PSMB2: variants seen among roughly 807,000 people sequenced by gnomAD.
PSMB2 encodes the protein proteasome subunit beta type-2.
PSMB2 carries 13 observed loss-of-function variants against 25.7 expected under a neutral mutation model. That is an observed-to-expected ratio of 0.51 (90% CI 0.33 to 0.80). The LOEUF is 0.80. Ranked by LOEUF, PSMB2 falls within the 30% of genes least tolerant of loss-of-function variation. The pLI is 0.02. For synonymous variants in PSMB2, 87 were observed against 96.2 expected (o/e 0.90, Z 0.56); for missense variants, 202 against 259.0 (o/e 0.78, Z 1.51).
At chr1:35,606,596 TTA>T (rs1650176941) in intron 4 of PSMB2, among the ~76,000 whole-genome samples, 1 of 152,100 alleles carries the variant, frequency 6.6e-6, no homozygotes, top group Non-Finnish European at 1.5e-5. Context: ...ATCAGAAGAA[TTA>T]ATATTATGAA....
At chr1:35,635,828 CAAA>C (rs1163061850) in intron 2 of PSMB2, among the ~76,000 whole-genome samples, 1 of 34,250 alleles carries the variant, frequency 2.9e-5, no homozygotes, top group South Asian at 9.4e-4. Flanking sequence ...GACTCCGTCT[CAAA>C]AAAAAAAAAA....
In PSMB2 at chr1:35,600,944, C is replaced by T; in HGVS notation, c.*2323G>A. 4 of 984,656 alleles carry T rather than the reference C, an allele frequency of 4.1e-6. No individual in the cohort carries two copies. The highest frequency in any genetic ancestry group is 4.8e-6 in the Non-Finnish European group (4 of 829,564). The allele number at this position is 984,656 out of a possible 1,614,324, so 61.0% of individuals were successfully genotyped here. On this transcript the variant is annotated 3_prime_UTR_variant, in exon 6 of 6. Coordinates refer to ENST00000373237, the MANE Select transcript of PSMB2 (RefSeq NM_002794.5). The stretch of plus-strand genomic sequence containing the variant: ...CTTCATGGAATTCTCATATCTACCA[C>T]ATAGAATAGGTGCTATTTCAGTCAT...
intron 3 of PSMB2, among the ~76,000 whole-genome samples, chr1:35,620,794 A>C (rs1055628427): frequency 5.3e-5 from 8 of 151,016 alleles, no homozygotes; most frequent in Admixed American, 2.6e-4. Context: ...CCTCCCGAGT[A>C]CCTAGGACTA....
chr1:35,639,104 A>C (rs529098211), intron 1 of PSMB2, among the ~76,000 whole-genome samples: 1 of 152,058 alleles, frequency 6.6e-6, no homozygotes, highest in African/African-American at 2.4e-5. Flanking sequence ...AAATACAAAA[A>C]TTAGCTGGGC....
chr1:35,600,259 C>T lies in PSMB2; in HGVS notation c.*3008G>A. The T allele has an allele frequency of 1.0e-6, 1 of 984,886 alleles. No homozygotes were observed. The highest frequency in any genetic ancestry group is 1.2e-6 in the Non-Finnish European group (1 of 829,480). 61.0% of individuals were successfully genotyped at this position (984,886 alleles called of 1,614,324 possible). On this transcript the variant is annotated 3_prime_UTR_variant, in exon 6 of 6. Coordinates refer to ENST00000373237, the MANE Select transcript of PSMB2 (RefSeq NM_002794.5). ...AGAATGGCATAAAAATGATGCCCAG[C>T]TAAATGCAATGTTGTATCTTGGATT...
intron 1 of PSMB2, among the ~76,000 whole-genome samples, chr1:35,640,156 G>A (rs1391817219): frequency 6.6e-6 from 1 of 151,758 alleles, no homozygotes; most frequent in Non-Finnish European, 1.5e-5. Context: ...TTGTTTTTCT[G>A]CAGAATCTAA....
chr1:35,601,920 G>T lies in PSMB2; in HGVS notation c.*1347C>A. On this transcript the variant is annotated 3_prime_UTR_variant, in exon 6 of 6. Transcript: ENST00000373237. ...AACGAGTAACTGGTTAACTGCCCAT[G>T]ATACATCAATTTAATGGAAAATTAT... is the stretch of plus-strand genomic sequence containing the variant. 1 of 984,624 alleles carries T rather than the reference G, an allele frequency of 1.0e-6. No homozygotes were observed. The highest frequency in any genetic ancestry group is 1.2e-6 in the Non-Finnish European group (1 of 829,196). 61.0% of individuals were successfully genotyped at this position (984,624 alleles called of 1,614,324 possible).
chr1:35,626,832 C>G (rs1482026579), intron 3 of PSMB2, among the ~76,000 whole-genome samples: 1 of 152,068 alleles, frequency 6.6e-6, no homozygotes, highest in African/African-American at 2.4e-5. Flanking sequence ...TGTTCCAGAT[C>G]TGTGATGTCT....
intron 5 of PSMB2, among the ~76,000 whole-genome samples, chr1:35,604,231 C>A (rs896116888): frequency 2.0e-5 from 3 of 152,010 alleles, no homozygotes; most frequent in Non-Finnish European, 4.4e-5. Context: ...TTTTGACCTC[C>A]CCATTCCCCC....
intron 3 of PSMB2, among the ~76,000 whole-genome samples, chr1:35,610,233 G>C (rs1239571298): frequency 6.6e-6 from 1 of 152,158 alleles, no homozygotes; most frequent in Admixed American, 6.5e-5. Flanking sequence ...GAGCCCAGGA[G>C]TTTCAGACCA....
At chr1:35,604,296 G>A (rs750774033) in intron 5 of PSMB2, among the ~76,000 whole-genome samples, 2 of 152,172 alleles carry the variant, frequency 1.3e-5, no homozygotes, top group African/African-American at 4.8e-5. Context: ...TAGAAAGGGT[G>A]TGTTCTGTAA....
At chr1:35,632,585 T>A (rs1436777940) in intron 2 of PSMB2, among the ~76,000 whole-genome samples, 3 of 152,202 alleles carry the variant, frequency 2.0e-5, no homozygotes, top group Non-Finnish European at 4.4e-5. Context: ...TATTAGTGCA[T>A]ATTAAATCAT....
intron 3 of PSMB2, among the ~76,000 whole-genome samples, chr1:35,630,423 C>T (rs1052664904): frequency 1.3e-5 from 2 of 152,160 alleles, no homozygotes; most frequent in African/African-American, 2.4e-5. Context: ...ATTGCCAAAA[C>T]TTGGAAGCAA....
chr1:35,629,907 G>A (rs1008092714), intron 3 of PSMB2, among the ~76,000 whole-genome samples: 2 of 152,124 alleles, frequency 1.3e-5, no homozygotes, highest in South Asian at 4.2e-4. Flanking sequence ...GGTGGCTCGC[G>A]CCTGTAATCC....
intron 3 of PSMB2, among the ~76,000 whole-genome samples, chr1:35,617,683 A>G (rs2148568098): frequency 6.6e-6 from 1 of 152,340 alleles, no homozygotes; most frequent in Admixed American, 6.5e-5. Context: ...GATAGAGGAA[A>G]CAGTATACGT....
At position 35,601,736 on chromosome 1, in the gene PSMB2, C is replaced by T; in HGVS notation, c.*1531G>A. The T allele has an allele frequency of 7.1e-6, 7 of 985,334 alleles. No individual in the cohort carries two copies. Among genetic ancestry groups the T allele is most frequent in the Non-Finnish European group, 8.4e-6 (7 of 829,916 alleles). 61.0% of individuals were successfully genotyped at this position (985,334 alleles called of 1,614,324 possible). A position where few individuals can be genotyped will look rare whatever the true frequency, so the allele number is the denominator to read the frequency against. ...AAGTAGGGTTTATCTTAGTCGGAGA[C>T]CAAATGGTTTTGATATGTGGTTCCT... On this transcript the variant is annotated 3_prime_UTR_variant, in exon 6 of 6. Coordinates refer to ENST00000373237, the MANE Select transcript of PSMB2 (RefSeq NM_002794.5).
At chr1:35,612,398 G>T (rs560907784) in intron 3 of PSMB2, among the ~76,000 whole-genome samples, 1 of 152,092 alleles carries the variant, frequency 6.6e-6, no homozygotes, top group African/African-American at 2.4e-5. Context: ...CCAAACTCTG[G>T]AAGAAAAGAT....
chr1:35,603,304 T>G lies in PSMB2; in HGVS notation c.569A>C (p.Asp190Ala). ...TTTGGGGAAGGAAATGTTATCCAGG[T>G]CATGGATGCCATTTTTGTCAATGAT... is the stretch of plus-strand genomic sequence containing the variant. ...VRIIDKNGIH[D>A]LDNISFPKQG... The change falls in exon 6 of 6, where the codon GAC (aspartate) becomes GCC (alanine). Residue 190 changes from aspartate (D) to alanine (A), a missense_variant. By Grantham distance (126) the Asp-to-Ala change is moderately radical (BLOSUM62 -2). Coordinates refer to ENST00000373237, the MANE Select transcript of PSMB2 (RefSeq NM_002794.5). The G allele has an allele frequency of 6.2e-7, 1 of 1,614,064 alleles. No homozygotes were observed. Among genetic ancestry groups the G allele is most frequent in the Non-Finnish European group, 8.5e-7 (1 of 1,179,928 alleles).
At chr1:35,633,138 T>C (rs1451647862) in intron 2 of PSMB2, among the ~76,000 whole-genome samples, 2 of 150,922 alleles carry the variant, frequency 1.3e-5, no homozygotes, top group Non-Finnish European at 2.9e-5. Context: ...CGAGAATCAC[T>C]TGCACCCAGG....
Sources: gnomAD v4.1 joint callset for allele counts (sites outside exome capture counted in the v4.1 genomes callset) on GRCh38, gnomAD v4.1.1 for gene constraint, MANE v1.5 for transcripts, NCBI Gene and HGNC (gene_info 2026-07-23, HGNC 2026-07-21) for gene names.